The following ZBTB43 variants were observed in gnomAD, a reference collection of about 807,000 sequenced individuals.
The protein encoded by ZBTB43 is zinc finger and BTB domain-containing protein 43.
Under a neutral mutation model 31.1 loss-of-function variants are expected in ZBTB43, and 6 were observed. The ratio of observed to expected loss-of-function variants is 0.19; its 90% CI spans 0.11 to 0.38. The LOEUF is 0.38. ZBTB43 is among the 10% of genes least tolerant of loss of function. The pLI is 1.00. For synonymous variants in ZBTB43, 212 were observed against 221.7 expected (o/e 0.96, Z 0.39); for missense variants, 379 against 602.1 (o/e 0.63, Z 3.88).
chr9:126,830,705 A>G (rs1588367635), intron 2 of ZBTB43, among the ~76,000 whole-genome samples: 1 of 151,924 alleles, frequency 6.6e-6, no homozygotes, highest in Non-Finnish European at 1.5e-5. Context: ...TATCAGAGCA[A>G]GGTGACATAT....
At chr9:126,814,184 G>A (rs1393537658) in intron 2 of ZBTB43, among the ~76,000 whole-genome samples, 1 of 122,930 alleles carries the variant, frequency 8.1e-6, no homozygotes, top group African/African-American at 3.1e-5. Context: ...TTCTAACATT[G>A]TACTCTGACA....
chr9:126,817,613 C>G (rs1392798461), intron 2 of ZBTB43, among the ~76,000 whole-genome samples: 1 of 150,846 alleles, frequency 6.6e-6, no homozygotes, highest in Non-Finnish European at 1.5e-5. Flanking sequence ...GCAGCTGGGA[C>G]TACAGGTGCC....
At chr9:126,808,325 A>G (rs1313084220) in intron 1 of ZBTB43, among the ~76,000 whole-genome samples, 2 of 151,904 alleles carry the variant, frequency 1.3e-5, no homozygotes, top group African/African-American at 4.8e-5. Context: ...ATCAAACTTC[A>G]TAAAGCAGGT....
intron 2 of ZBTB43, among the ~76,000 whole-genome samples, chr9:126,821,945 C>G (rs1017210933): frequency 3.5e-4 from 53 of 152,236 alleles, no homozygotes; most frequent in Non-Finnish European, 5.1e-4. Flanking sequence ...TCACTGCAAC[C>G]TCCGTCTCCT....
At chr9:126,807,376 C>G (rs150346530) in intron 1 of ZBTB43, among the ~76,000 whole-genome samples, 2 of 152,308 alleles carry the variant, frequency 1.3e-5, no homozygotes, top group Admixed American at 6.5e-5. Flanking sequence ...ACTTAACATT[C>G]CAAGTTCTAC....
chr9:126,825,825 A>G (rs766758952), intron 2 of ZBTB43, among the ~76,000 whole-genome samples: 2 of 143,536 alleles, frequency 1.4e-5, no homozygotes, highest in Admixed American at 1.4e-4. Flanking sequence ...AGCTTTTTCC[A>G]TTTGGTTCCT....
At position 126,836,331 on chromosome 9, in the gene ZBTB43, C is replaced by G. The variant is rs1364697717; in HGVS notation, c.*2418C>G. On this transcript the variant is annotated 3_prime_UTR_variant, in exon 3 of 3. Transcript: ENST00000373464. ...GAAGAGAAGAGTGTCTTCTTGAAAG[C>G]CTTATGTGTCCATCAGCTACTAAAT... is the stretch of plus-strand genomic sequence containing the variant. 6.0e-6 allele frequency: 1 copy of G among 166,944 alleles called. No homozygotes were observed. Among genetic ancestry groups the G allele is most frequent in the Non-Finnish European group, 1.5e-5 (1 of 68,106 alleles). 10.3% of individuals were successfully genotyped at this position (166,944 alleles called of 1,614,324 possible).
chr9:126,827,933 C>T (rs766278162), intron 2 of ZBTB43, among the ~76,000 whole-genome samples: 2 of 151,964 alleles, frequency 1.3e-5, no homozygotes, highest in Non-Finnish European at 2.9e-5. Flanking sequence ...GAATCAATCG[C>T]TTGAACCCAG....
At chr9:126,824,095 C>T (rs1001140899) in intron 2 of ZBTB43, among the ~76,000 whole-genome samples, 25 of 152,002 alleles carry the variant, frequency 1.6e-4, no homozygotes, top group Admixed American at 6.6e-4. Context: ...GGCGCAATCT[C>T]CGCTCACTGC....
intron 2 of ZBTB43, among the ~76,000 whole-genome samples, chr9:126,812,171 C>A (rs202188837): frequency 1.1e-4 from 16 of 152,224 alleles, no homozygotes; most frequent in African/African-American, 3.9e-4. Context: ...ATACAAGATA[C>A]GGCCTTTTGT....
chr9:126,816,843 A>G (rs1330562944), intron 2 of ZBTB43, among the ~76,000 whole-genome samples: 3 of 151,924 alleles, frequency 2.0e-5, no homozygotes, highest in African/African-American at 4.8e-5. Context: ...CTATGCCTTT[A>G]CCTCCTTCCT....
chr9:126,828,654 A>AATAATAATAATTATT (rs1554742744), intron 2 of ZBTB43, among the ~76,000 whole-genome samples: 3 of 127,742 alleles, frequency 2.3e-5, no homozygotes, highest in African/African-American at 9.4e-5. Flanking sequence ...TAATAATAAT[A>AATAATAATAATTATT]ATTATTATTA....
rs2032787587 is a variant in ZBTB43, at chr9:126,832,603, T to C, written c.94T>C (p.Leu32=). Residue 32 remains leucine (L), a synonymous_variant, in exon 3 of 3, where the codon TTA becomes CTA. Coordinates refer to ENST00000373464, the MANE Select transcript of ZBTB43 (RefSeq NM_014007.4). ...GAACCAGCAGCGCCAGCAAGGACAA[T>C]TATGTGACGTCTCCATTGTTGTCCA... ...KLNQQRQQGQ[L]CDVSIVVQGH... The C allele has an allele frequency of 6.2e-7, 1 of 1,614,168 alleles. No homozygotes were observed. The highest frequency in any genetic ancestry group is 8.5e-7 in the Non-Finnish European group (1 of 1,180,040).
At chr9:126,817,561 C>T (rs893585953) in intron 2 of ZBTB43, among the ~76,000 whole-genome samples, 12 of 151,554 alleles carry the variant, frequency 7.9e-5, no homozygotes, top group African/African-American at 2.7e-4. Context: ...CTGCAAGCTC[C>T]GCCTCCCAGG....
intron 1 of ZBTB43, among the ~76,000 whole-genome samples, chr9:126,807,716 AC>A (rs1205076431): frequency 6.6e-6 from 1 of 151,926 alleles, no homozygotes; most frequent in East Asian, 1.9e-4. Context: ...GCTCACTGCA[AC>A]CTCCGCCTCC....
At chr9:126,805,982 G>T (rs1325064996) in intron 1 of ZBTB43, among the ~76,000 whole-genome samples, 1 of 152,218 alleles carries the variant, frequency 6.6e-6, no homozygotes, top group Non-Finnish European at 1.5e-5. Context: ...ACTCTGACAG[G>T]TGTCGCCCAA....
chr9:126,821,841 T>G (rs2032517569), intron 2 of ZBTB43, among the ~76,000 whole-genome samples: 1 of 152,128 alleles, frequency 6.6e-6, no homozygotes, highest in Admixed American at 6.6e-5. Flanking sequence ...CAACACAAAT[T>G]CATAACCTTT....
chr9:126,829,161 T>A (rs1385260606), intron 2 of ZBTB43, among the ~76,000 whole-genome samples: 4 of 152,150 alleles, frequency 2.6e-5, no homozygotes, highest in Non-Finnish European at 4.4e-5. Flanking sequence ...GAAAATTTTT[T>A]AAAAACATTA....
rs1443577860 is a variant in ZBTB43 at position 126,835,436 on chromosome 9, T to G, written c.*1523T>G. On this transcript the variant is annotated 3_prime_UTR_variant, in exon 3 of 3. Transcript: ENST00000373464. ...TTATTTACTTCTAAATAGAAACTTT[T>G]TTTTCTTAAAATAAAAATAATTTTT... 6.0e-6 allele frequency: 1 copy of G among 167,018 alleles called. No homozygotes were observed. The highest frequency in any genetic ancestry group is 1.5e-5 in the Non-Finnish European group (1 of 68,096). 10.3% of individuals were successfully genotyped at this position (167,018 alleles called of 1,614,324 possible).
Sources: allele counts gnomAD v4.1 joint callset (sites outside exome capture counted in the v4.1 genomes callset), GRCh38; gene constraint gnomAD v4.1.1; transcripts MANE v1.5; gene names NCBI Gene and HGNC (gene_info 2026-07-23, HGNC 2026-07-21).